The following CPNE4 variants were observed in gnomAD, a reference collection of about 807,000 sequenced individuals.
CPNE4 encodes copine-4.
In CPNE4, 25 loss-of-function variants were observed where a neutral mutation model predicts 67.9. That is an observed-to-expected ratio of 0.37 (90% CI 0.27 to 0.51). CPNE4 has a LOEUF of 0.51. Among genes scored for constraint, CPNE4 ranks in the 20% least tolerant of loss-of-function variants. The probability of loss-of-function intolerance (pLI) is 0.93; values close to 1 mark genes in which losing one functional copy is unlikely to be tolerated. For missense variants in CPNE4, 464 were observed against 690.8 expected (o/e 0.67, Z 3.68); for synonymous variants, 242 against 244.9 (o/e 0.99, Z 0.11).
intron 2 of CPNE4, among the ~76,000 whole-genome samples, chr3:131,818,581 A>T (rs567857217): frequency 6.6e-6 from 1 of 152,360 alleles, no homozygotes; most frequent in African/African-American, 2.4e-5. Context: ...GCTGTCAAAA[A>T]TGAAAAACCT....
At chr3:131,897,226 A>G (rs2107756847) in intron 2 of CPNE4, among the ~76,000 whole-genome samples, 1 of 152,050 alleles carries the variant, frequency 6.6e-6, no homozygotes, top group East Asian at 1.9e-4. Flanking sequence ...TGGAGACACA[A>G]AGATCTGAGT....
At chr3:131,593,496 T>C (rs1042082676) in intron 7 of CPNE4, among the ~76,000 whole-genome samples, 1 of 152,220 alleles carries the variant, frequency 6.6e-6, no homozygotes, top group African/African-American at 2.4e-5. Context: ...TACTAATTCT[T>C]ATATATTGAT....
intron 6 of CPNE4, among the ~76,000 whole-genome samples, chr3:131,680,923 T>C (rs533148037): frequency 6.6e-6 from 1 of 152,322 alleles, no homozygotes; most frequent in South Asian, 2.1e-4. Context: ...TAATATTTGG[T>C]TTTCCATTCC....
At chr3:131,645,110 C>T (rs984286257) in intron 7 of CPNE4, among the ~76,000 whole-genome samples, 1 of 152,200 alleles carries the variant, frequency 6.6e-6, no homozygotes, top group Non-Finnish European at 1.5e-5. Context: ...TGAAAGGATA[C>T]AAGATGTCTT....
At chr3:131,960,977 ACAAGCTTG>A (rs1453443670) in intron 1 of CPNE4, among the ~76,000 whole-genome samples, 1 of 152,200 alleles carries the variant, frequency 6.6e-6, no homozygotes, top group African/African-American at 2.4e-5. Flanking sequence ...CAGCAGGCAT[ACAAGCTTG>A]GTCCTATAAC....
intron 12 of CPNE4, among the ~76,000 whole-genome samples, chr3:131,554,914 G>C (rs571036886): frequency 6.6e-6 from 1 of 152,186 alleles, no homozygotes. Context: ...CCTCATTACA[G>C]TGCAAATTTA....
At chr3:131,711,167 G>A (rs2081547624) in intron 3 of CPNE4, among the ~76,000 whole-genome samples, 1 of 152,168 alleles carries the variant, frequency 6.6e-6, no homozygotes, top group African/African-American at 2.4e-5. Flanking sequence ...GGCAAACTGA[G>A]TCATAGGTTA....
intron 7 of CPNE4, among the ~76,000 whole-genome samples, chr3:131,595,948 A>C (rs1037602895): frequency 6.6e-6 from 1 of 152,238 alleles, no homozygotes; most frequent in Non-Finnish European, 1.5e-5. Context: ...AACTGATAGA[A>C]GCAGAGAATA....
At position 131,728,770 on chromosome 3, in the gene CPNE4, C is replaced by A. The variant is rs146009349; in HGVS notation, c.181-5145G>T. On this transcript the variant is annotated intron_variant, in intron 2 of 15. Coordinates refer to ENST00000429747, the MANE Select transcript of CPNE4 (RefSeq NM_130808.3). ...CTTACAAAAAAAAAAATTAGCCGGT[C>A]GTGGTGGCAGGCGCCTGTAGTCCCA... Among the ~76,000 whole-genome samples, 995 of 151,810 alleles carry A rather than the reference C, an allele frequency of 6.6e-3. 9 individuals carry two copies. Among genetic ancestry groups the A allele is most frequent in the African/African-American group, 0.022 (929 of 41,392 alleles).
intron 1 of CPNE4, among the ~76,000 whole-genome samples, chr3:131,983,007 A>ACT (rs1344778131): frequency 6.6e-5 from 10 of 152,086 alleles, no homozygotes; most frequent in Non-Finnish European, 1.2e-4. Flanking sequence ...ACATTTAATT[A>ACT]CTTCATCATT....
chr3:131,813,182 A>G (rs139827893), intron 2 of CPNE4, among the ~76,000 whole-genome samples: 50 of 152,178 alleles, frequency 3.3e-4, no homozygotes, highest in Non-Finnish European at 5.9e-4. Context: ...AAAATCTGGG[A>G]AGACTATGTT....
intron 7 of CPNE4, among the ~76,000 whole-genome samples, chr3:131,608,020 T>A (rs1939607249): frequency 6.6e-6 from 1 of 152,198 alleles, no homozygotes; most frequent in African/African-American, 2.4e-5. Context: ...GATTAGGGCA[T>A]AATATACAAT....
rs193155097 is a variant in CPNE4 at position 131,823,472 on chromosome 3, C to T, written c.180+81792G>A. 8.5e-5 allele frequency among the ~76,000 whole-genome samples: 13 copies of T among 152,288 alleles called. No individual in the cohort carries two copies. The East Asian group carries it at 1.7e-3, about 20-fold the overall frequency. On this transcript the variant is annotated intron_variant, in intron 2 of 15. Coordinates refer to ENST00000429747, the MANE Select transcript of CPNE4 (RefSeq NM_130808.3). ...TCTTGGAGACTGTCACATCCCATCA[C>T]CACAAGTTGATGGGATTGAAATGTG...
rs1187088726 is a variant in CPNE4 at position 131,898,972 on chromosome 3, G to GT, written c.180+6291dup. ...TTGTGAACAAGTGAAGAAAACTGTC[G>GT]TTTTTTTATCATCTGTCATGCTGGG... is the stretch of plus-strand genomic sequence containing the variant. On this transcript the variant is annotated intron_variant, in intron 2 of 15. Coordinates refer to ENST00000429747, the MANE Select transcript of CPNE4 (RefSeq NM_130808.3). Among the ~76,000 whole-genome samples, 41 of 152,130 alleles carry GT rather than the reference G, an allele frequency of 2.7e-4. 1 individual carries two copies. Among genetic ancestry groups the GT allele is most frequent in the Admixed American group, 2.7e-3 (41 of 15,280 alleles).
At chr3:131,664,418 G>C (rs80024825) in intron 7 of CPNE4, among the ~76,000 whole-genome samples, 229 of 152,232 alleles carry the variant, frequency 1.5e-3, no homozygotes, top group Non-Finnish European at 3.0e-3. Flanking sequence ...TTCTGGGAGA[G>C]TAATTTATTT....
chr3:131,627,077 C>T lies in CPNE4; in HGVS notation c.682-39495G>A, dbSNP rs1292015211. 4.6e-5 allele frequency among the ~76,000 whole-genome samples: 7 copies of T among 151,146 alleles called. No individual in the cohort carries two copies. In the East Asian group the frequency reaches 1.2e-3, roughly 25 times the overall value. On this transcript the variant is annotated intron_variant, in intron 7 of 15. Coordinates refer to ENST00000429747, the MANE Select transcript of CPNE4 (RefSeq NM_130808.3). ...GTGCGGTGGTGGGCGCCTGTAATCC[C>T]AGCTACTCAGGAGACTGAGGCAGGA...
intron 15 of CPNE4, among the ~76,000 whole-genome samples, chr3:131,542,090 T>C (rs775617102): frequency 1.9e-4 from 29 of 152,336 alleles, no homozygotes; most frequent in Non-Finnish European, 4.0e-4. Flanking sequence ...GAAATATACT[T>C]TGCCAAGGCA....
At chr3:131,560,999 A>G (rs1050732485) in intron 11 of CPNE4, among the ~76,000 whole-genome samples, 6 of 152,098 alleles carry the variant, frequency 3.9e-5, no homozygotes, top group African/African-American at 1.4e-4. Flanking sequence ...TCTACACTTG[A>G]AAATACCTGT....
intron 2 of CPNE4, among the ~76,000 whole-genome samples, chr3:131,774,092 G>T (rs556258160): frequency 6.6e-6 from 1 of 152,220 alleles, no homozygotes; most frequent in East Asian, 1.9e-4. Context: ...ACACTTGATT[G>T]CCTGTTCAAT....
Sources: allele counts gnomAD v4.1 joint callset (sites outside exome capture counted in the v4.1 genomes callset), GRCh38; gene constraint gnomAD v4.1.1; transcripts MANE v1.5; gene names NCBI Gene and HGNC (gene_info 2026-07-23, HGNC 2026-07-21).